Variants in HS6ST3 observed in about 807,000 individuals in gnomAD.
HS6ST3 encodes the protein heparan-sulfate 6-O-sulfotransferase 3.
A neutral mutation model predicts 36.7 loss-of-function variants in HS6ST3; 12 were observed. The ratio of observed to expected loss-of-function variants is 0.33; its 90% CI spans 0.21 to 0.53. HS6ST3 has a LOEUF of 0.53. Among genes scored for constraint, HS6ST3 ranks in the 20% least tolerant of loss-of-function variants. HS6ST3 has a pLI of 0.95. For missense variants in HS6ST3, 584 were observed against 640.9 expected (o/e 0.91, Z 0.96); for synonymous variants, 240 against 257.5 (o/e 0.93, Z 0.65).
At chr13:96,499,563 G>A (rs1236693907) in intron 1 of HS6ST3, among the ~76,000 whole-genome samples, 3 of 152,184 alleles carry the variant, frequency 2.0e-5, no homozygotes, top group Non-Finnish European at 2.9e-5. Flanking sequence ...GCTGTTTCAG[G>A]TGGAATACTC....
intron 1 of HS6ST3, among the ~76,000 whole-genome samples, chr13:96,629,481 G>T (rs2056524515): frequency 6.6e-6 from 1 of 152,072 alleles, no homozygotes; most frequent in Admixed American, 6.5e-5. Flanking sequence ...TCTTTATTTT[G>T]CCTTTGTTCT....
chr13:96,404,701 A>G (rs1419693267), intron 1 of HS6ST3, among the ~76,000 whole-genome samples: 1 of 152,206 alleles, frequency 6.6e-6, no homozygotes, highest in Non-Finnish European at 1.5e-5. Context: ...ACTTCACACT[A>G]ATCCACAGTA....
intron 1 of HS6ST3, among the ~76,000 whole-genome samples, chr13:96,320,484 A>G (rs924234799): frequency 6.6e-6 from 1 of 152,230 alleles, no homozygotes; most frequent in African/African-American, 2.4e-5. Flanking sequence ...TGTTATTGAA[A>G]TAGACTGTGC....
intron 1 of HS6ST3, among the ~76,000 whole-genome samples, chr13:96,442,160 G>T (rs1344130): frequency 0.52 from 77,886 of 151,050 alleles, 20,334 homozygotes; most frequent in South Asian, 0.6. Context: ...TGGCTGGGAC[G>T]ACAGGTGTGC....
At chr13:96,372,228 A>G (rs2055293475) in intron 1 of HS6ST3, among the ~76,000 whole-genome samples, 1 of 152,182 alleles carries the variant, frequency 6.6e-6, no homozygotes, top group Non-Finnish European at 1.5e-5. Context: ...AATTTCTCTG[A>G]TGACTACTGA....
At chr13:96,517,890 C>G (rs2056078767) in intron 1 of HS6ST3, among the ~76,000 whole-genome samples, 1 of 152,098 alleles carries the variant, frequency 6.6e-6, no homozygotes, top group Non-Finnish European at 1.5e-5. Context: ...ATCATTCTAC[C>G]ATAAAGATAC....
At chr13:96,172,294 AG>A (rs1946155745) in intron 1 of HS6ST3, among the ~76,000 whole-genome samples, 1 of 152,194 alleles carries the variant, frequency 6.6e-6, no homozygotes, top group South Asian at 2.1e-4. Context: ...ACATCATCAA[AG>A]GGTATATCAT....
chr13:96,755,374 GTT>G (rs372484642), intron 1 of HS6ST3, among the ~76,000 whole-genome samples: 12,943 of 151,050 alleles, frequency 0.086, 1,032 homozygotes, highest in African/African-American at 0.2. Flanking sequence ...TTTTGTTTTT[GTT>G]TTTTTTGAGA....
chr13:96,356,426 G>A (rs192352852), intron 1 of HS6ST3, among the ~76,000 whole-genome samples: 11 of 152,210 alleles, frequency 7.2e-5, no homozygotes, highest in African/African-American at 2.2e-4. Context: ...TTGAAAGTAG[G>A]TATTACTCCT....
chr13:96,191,280 T>C (rs544467328), intron 1 of HS6ST3, among the ~76,000 whole-genome samples: 32 of 152,296 alleles, frequency 2.1e-4, no homozygotes, highest in African/African-American at 7.2e-4. Flanking sequence ...AATGCAACTT[T>C]GATCAAGTCC....
chr13:96,683,843 G>T (rs75831845), intron 1 of HS6ST3, among the ~76,000 whole-genome samples: 2,880 of 152,010 alleles, frequency 0.019, 76 homozygotes, highest in African/African-American at 0.066. Flanking sequence ...ATTACAAACC[G>T]CAGAGTTAGA....
chr13:96,177,277 A>G (rs2139337855), intron 1 of HS6ST3, among the ~76,000 whole-genome samples: 1 of 152,286 alleles, frequency 6.6e-6, no homozygotes, highest in East Asian at 1.9e-4. Flanking sequence ...CTGGGTATAT[A>G]CTCAGATTAA....
chr13:96,351,320 CT>C (rs11348541), intron 1 of HS6ST3, among the ~76,000 whole-genome samples: 64,409 of 143,016 alleles, frequency 0.45, 14,711 homozygotes, highest in Non-Finnish European at 0.51. Context: ...AGGTGGCAGT[CT>C]TTTTTTTTTT....
At chr13:96,119,854 A>AT (rs56814092) in intron 1 of HS6ST3, among the ~76,000 whole-genome samples, 129,370 of 150,578 alleles carry the variant, frequency 0.86, 55,836 homozygotes, top group East Asian at 0.92. Context: ...TTCACAGACT[A>AT]TTGCAGCATT....
intron 1 of HS6ST3, among the ~76,000 whole-genome samples, chr13:96,491,045 C>T (rs2055942679): frequency 6.6e-6 from 1 of 152,180 alleles, no homozygotes; most frequent in South Asian, 2.1e-4. Flanking sequence ...CCTCCATAAT[C>T]AGTCTGGGAG....
intron 1 of HS6ST3, among the ~76,000 whole-genome samples, chr13:96,383,321 G>A (rs889130733): frequency 2.6e-5 from 4 of 152,136 alleles, no homozygotes; most frequent in African/African-American, 9.7e-5. Flanking sequence ...GGGCGTGGTG[G>A]CATGCTCCTG....
At chr13:96,673,247 G>A (rs1450298108) in intron 1 of HS6ST3, among the ~76,000 whole-genome samples, 1 of 152,194 alleles carries the variant, frequency 6.6e-6, no homozygotes, top group East Asian at 1.9e-4. Flanking sequence ...CTTAGGGTCC[G>A]CCTGATAATC....
intron 1 of HS6ST3, among the ~76,000 whole-genome samples, chr13:96,757,500 A>G (rs920101264): frequency 1.3e-5 from 2 of 152,112 alleles, no homozygotes; most frequent in African/African-American, 4.8e-5. Flanking sequence ...ACATTGTTGT[A>G]TTGGCTTGTA....
chr13:96,722,837 C>T (rs1875882274), intron 1 of HS6ST3, among the ~76,000 whole-genome samples: 1 of 152,004 alleles, frequency 6.6e-6, no homozygotes, highest in African/African-American at 2.4e-5. Flanking sequence ...ATTAGCTGGG[C>T]ATGGTGGCGT....
Sources: gnomAD v4.1 joint callset for allele counts (sites outside exome capture counted in the v4.1 genomes callset) on GRCh38, gnomAD v4.1.1 for gene constraint, MANE v1.5 for transcripts, NCBI Gene and HGNC (gene_info 2026-07-23, HGNC 2026-07-21) for gene names.